PAIP2B: variants seen among roughly 807,000 people sequenced by gnomAD.
PAIP2B encodes the protein polyadenylate-binding protein-interacting protein 2B.
In PAIP2B, 13 loss-of-function variants were observed where a neutral mutation model predicts 17.0. The observed-to-expected ratio is 0.76, with a 90% CI of 0.50 to 1.22. The LOEUF (loss-of-function observed/expected upper bound fraction) is 1.22, where lower values mean the gene tolerates loss of function less well. Ranked by LOEUF, PAIP2B falls within the 50% of genes most tolerant of loss-of-function variation. The pLI, the probability that PAIP2B is intolerant of heterozygous loss-of-function variation, is 0.00. For missense variants in PAIP2B, 117 were observed against 144.5 expected (o/e 0.81, Z 0.98); for synonymous variants, 43 against 48.7 (o/e 0.88, Z 0.48).
At chr2:71,207,351 GA>G (rs1675157186) in intron 1 of PAIP2B, among the ~76,000 whole-genome samples, 1 of 152,164 alleles carries the variant, frequency 6.6e-6, no homozygotes. Flanking sequence ...GGAACTACAA[GA>G]AGGTAGGTAC....
rs996373223 is a variant in PAIP2B at position 71,186,271 on chromosome 2, T to C, written c.*2208A>G. On this transcript the variant is annotated 3_prime_UTR_variant, in exon 4 of 4. Transcript: ENST00000244221. ...GCCCCTACCTCCCAACATAAATAGA[T>C]GGCAAAAAGAGTTGGACTACAAGAG... 9.9e-5 allele frequency: 15 copies of C among 152,280 alleles called. 1 individual carries two copies. The East Asian group carries it at 2.9e-3, about 29-fold the overall frequency. The allele number at this position is 152,280 out of a possible 1,614,324, so 9.4% of individuals were successfully genotyped here.
chr2:71,187,965 T>G lies in PAIP2B; in HGVS notation c.*514A>C, dbSNP rs1183129139. The G allele has an allele frequency of 6.4e-6, 1 of 155,674 alleles. No homozygotes were observed. The highest frequency in any genetic ancestry group is 1.4e-5 in the Non-Finnish European group (1 of 69,900). The allele number at this position is 155,674 out of a possible 1,614,324, so 9.6% of individuals were successfully genotyped here. ...TTGACAGCACATTGGTTATCCGAGT[T>G]CATTGCAGGAGACCCCGGGGGTGGG... On this transcript the variant is annotated 3_prime_UTR_variant, in exon 4 of 4. Coordinates refer to ENST00000244221, the MANE Select transcript of PAIP2B (RefSeq NM_020459.1).
intron 2 of PAIP2B, among the ~76,000 whole-genome samples, chr2:71,194,897 A>G (rs537381462): frequency 1.3e-5 from 2 of 152,288 alleles, no homozygotes; most frequent in South Asian, 2.1e-4. Context: ...TTTGAGGTAT[A>G]TTCCTTCAAT....
At chr2:71,213,587 T>C (rs765572377) in intron 1 of PAIP2B, among the ~76,000 whole-genome samples, 17 of 152,170 alleles carry the variant, frequency 1.1e-4, no homozygotes, top group Non-Finnish European at 1.9e-4. Context: ...CTGTGTAAAA[T>C]GGACTACAAC....
intron 1 of PAIP2B, among the ~76,000 whole-genome samples, chr2:71,209,922 T>A (rs555912186): frequency 1.7e-4 from 26 of 152,056 alleles, no homozygotes; most frequent in Non-Finnish European, 3.4e-4. Flanking sequence ...CCTCCTGGGT[T>A]CAAGCGATTC....
rs35659531 is a variant in PAIP2B at position 71,198,285 on chromosome 2, ATTTTTT to A, written c.138+4161_138+4166del. On this transcript the variant is annotated intron_variant, in intron 2 of 3. Transcript: ENST00000244221. ...AGGTGCCTGCCACCAGGCCCAGCTA[ATTTTTT>A]TTTTTTTTTTTTGAGACAGAGTCTC... Among the ~76,000 whole-genome samples, 337 of 130,454 alleles carry A rather than the reference ATTTTTT, an allele frequency of 2.6e-3. 3 individuals are homozygous for A. Among genetic ancestry groups the A allele is most frequent in the African/African-American group, 9.1e-3 (323 of 35,632 alleles). The allele number at this position is 130,454 out of a possible 152,430, so 85.6% of individuals were successfully genotyped here.
At chr2:71,214,652 C>T (rs193029955) in intron 1 of PAIP2B, among the ~76,000 whole-genome samples, 3 of 152,292 alleles carry the variant, frequency 2.0e-5, no homozygotes, top group Non-Finnish European at 4.4e-5. Flanking sequence ...AAGCTATATA[C>T]AGCCTTTATC....
At chr2:71,226,557 A>C (rs1351702155) in intron 1 of PAIP2B, among the ~76,000 whole-genome samples, 2 of 152,130 alleles carry the variant, frequency 1.3e-5, no homozygotes, top group Non-Finnish European at 2.9e-5. Context: ...CAATTTGCCT[A>C]GCATTGTTGC....
chr2:71,226,391 C>G (rs568703118), intron 1 of PAIP2B, among the ~76,000 whole-genome samples: 1 of 152,144 alleles, frequency 6.6e-6, no homozygotes, highest in South Asian at 2.1e-4. Flanking sequence ...GTCTCCCAGG[C>G]AAATGAGGCA....
intron 1 of PAIP2B, among the ~76,000 whole-genome samples, chr2:71,226,667 G>T (rs1158352195): frequency 6.6e-6 from 1 of 151,730 alleles, no homozygotes; most frequent in Admixed American, 6.6e-5. Flanking sequence ...GGGAAACAGA[G>T]CACCTGTGCG....
At chr2:71,211,912 A>G (rs1675311781) in intron 1 of PAIP2B, among the ~76,000 whole-genome samples, 1 of 152,224 alleles carries the variant, frequency 6.6e-6, no homozygotes, top group Non-Finnish European at 1.5e-5. Context: ...CTCTAGACTC[A>G]GACCCACCTT....
chr2:71,190,548 A>G (rs1408285477), intron 2 of PAIP2B, among the ~76,000 whole-genome samples: 1 of 152,222 alleles, frequency 6.6e-6, no homozygotes, highest in South Asian at 2.1e-4. Context: ...TTTCTCAACC[A>G]AATTCTATCA....
chr2:71,189,756 GAGGGTTGTAGGGCTGGAAAGAA>G, intron 3 of PAIP2B, 67 bp downstream of exon 3: 1 of 1,283,018 alleles, frequency 7.8e-7, no homozygotes, highest in Non-Finnish European at 1.0e-6. Context: ...CAGACTTGTT[GAGGGTTGTAGGGCTGGAAAGAA>G]AGTCTGTCAT....
At chr2:71,203,573 T>C (rs1439129119) in intron 1 of PAIP2B, among the ~76,000 whole-genome samples, 1 of 152,060 alleles carries the variant, frequency 6.6e-6, no homozygotes, top group African/African-American at 2.4e-5. Flanking sequence ...CCTTAATTTT[T>C]ACTGAGGCTG....
At chr2:71,222,177 C>T (rs1675599527) in intron 1 of PAIP2B, among the ~76,000 whole-genome samples, 1 of 152,150 alleles carries the variant, frequency 6.6e-6, no homozygotes, top group Non-Finnish European at 1.5e-5. Flanking sequence ...GACCGTGAAC[C>T]CACAGGCAGG....
rs1352637219 is a variant in PAIP2B at position 71,184,670 on chromosome 2, GC to G, written c.*3808del. The G allele has an allele frequency of 1.1e-4, 17 of 152,224 alleles. 1 individual carries two copies. The highest frequency in any genetic ancestry group is 3.9e-4 in the Admixed American group (6 of 15,286). 9.4% of individuals were successfully genotyped at this position (152,224 alleles called of 1,614,324 possible). On this transcript the variant is annotated 3_prime_UTR_variant, in exon 4 of 4. Transcript: ENST00000244221. ...CCGGGAGAACTAATGATCCCTGTGA[GC>G]AATGCAGGGTGCAATGAGTCACATG...
rs192031961 is a variant in PAIP2B at position 71,188,788 on chromosome 2, A to T, written c.316-253T>A. Among the ~76,000 whole-genome samples, 1,378 of 152,252 alleles carry T rather than the reference A, an allele frequency of 9.1e-3. 9 individuals carry two copies. Among genetic ancestry groups the T allele is most frequent in the Middle Eastern group, 0.034 (10 of 294 alleles). ...AATCTCATCAGAGGCCTGTAAGTTCAACTCCAAGAATAATTTTTCAATTCA... is the reference window on the plus strand; with the variant it reads ...AATCTCATCAGAGGCCTGTAAGTTCTACTCCAAGAATAATTTTTCAATTCA... On this transcript the variant is annotated intron_variant, in intron 3 of 3. Transcript: ENST00000244221.
At chr2:71,195,277 A>AAT (rs1370985455) in intron 2 of PAIP2B, among the ~76,000 whole-genome samples, 6 of 152,250 alleles carry the variant, frequency 3.9e-5, no homozygotes, top group Admixed American at 3.3e-4. Context: ...AATTTTTTAG[A>AAT]ATAGTTTCTG....
Position 71,202,644 on chromosome 2 carries a change from A to T in PAIP2B, c.-11-44T>A, listed in dbSNP as rs1675014527. 5 of 1,523,704 alleles carry T rather than the reference A, an allele frequency of 3.3e-6. No homozygotes were observed. The Admixed American group carries it at 9.4e-5, about 29-fold the overall frequency. The allele number at this position is 1,523,704 out of a possible 1,614,324, so 94.4% of individuals were successfully genotyped here. A position where few individuals can be genotyped will look rare whatever the true frequency, so the allele number is the denominator to read the frequency against. On this transcript the variant is annotated intron_variant, in intron 1 of 3. Coordinates refer to ENST00000244221, the MANE Select transcript of PAIP2B (RefSeq NM_020459.1). ...AAAGATAAAATGAATATAAGGATAA[A>T]GGAAATGTAGAGACCTAAAACATGC...
Sources: gnomAD v4.1 joint callset for allele counts (sites outside exome capture counted in the v4.1 genomes callset) on GRCh38, gnomAD v4.1.1 for gene constraint, MANE v1.5 for transcripts, NCBI Gene and HGNC (gene_info 2026-07-23, HGNC 2026-07-21) for gene names.